The following SLC40A1 variants were observed in gnomAD, a reference collection of about 807,000 sequenced individuals.
SLC40A1 encodes the protein ferroportin.
A neutral mutation model predicts 53.5 loss-of-function variants in SLC40A1; 16 were observed. The ratio of observed to expected loss-of-function variants is 0.30; its 90% CI spans 0.20 to 0.45. The LOEUF (loss-of-function observed/expected upper bound fraction) is 0.45, where lower values mean the gene tolerates loss of function less well. SLC40A1 is among the 20% of genes least tolerant of loss of function. The probability of loss-of-function intolerance (pLI) is 1.00; values close to 1 mark genes in which losing one functional copy is unlikely to be tolerated. For synonymous variants in SLC40A1, 247 were observed against 253.2 expected (o/e 0.98, Z 0.23); for missense variants, 545 against 695.4 (o/e 0.78, Z 2.43).
In SLC40A1 at chr2:189,580,491, G is replaced by GGCTGCTATCGCTGCT. The variant is rs1559016468; in HGVS notation, c.-46_-32dup. ...TAGGCGACCCCGCTGGCTCTTCTGC[G>GGCTGCTATCGCTGCT]GCTGCTATCGCTGCTGCTGCTCTCG... On this transcript the variant is annotated 5_prime_UTR_variant, in exon 1 of 8. Coordinates refer to ENST00000261024, the MANE Select transcript of SLC40A1 (RefSeq NM_014585.6). The GGCTGCTATCGCTGCT allele has an allele frequency of 6.2e-7, 1 of 1,612,506 alleles. No homozygotes were observed. The highest frequency in any genetic ancestry group is 8.5e-7 in the Non-Finnish European group (1 of 1,180,018).
At chr2:189,562,990 T>C (rs1245493938) in intron 7 of SLC40A1, among the ~76,000 whole-genome samples, 2 of 152,038 alleles carry the variant, frequency 1.3e-5, no homozygotes, top group Admixed American at 6.6e-5. Flanking sequence ...AAGACTCTAC[T>C]AGATGGCAGT....
At chr2:189,562,466 A>G (rs191267802) in intron 7 of SLC40A1, among the ~76,000 whole-genome samples, 11 of 152,348 alleles carry the variant, frequency 7.2e-5, no homozygotes, top group Admixed American at 3.9e-4. Flanking sequence ...TATTCATACT[A>G]CAAAAACAAA....
chr2:189,580,526 T>C lies in SLC40A1; in HGVS notation c.-66A>G. On this transcript the variant is annotated 5_prime_UTR_variant, in exon 1 of 8. Transcript: ENST00000261024. ...GCTGCTGCTGCTCTCGCTGAGGTGCTTGTTAACAGGAGTGCAAGGAACTGG... is the reference window on the plus strand; with the variant it reads ...GCTGCTGCTGCTCTCGCTGAGGTGCCTGTTAACAGGAGTGCAAGGAACTGG... 1 of 1,609,948 alleles carries C rather than the reference T, an allele frequency of 6.2e-7. No individual in the cohort carries two copies. Among genetic ancestry groups the C allele is most frequent in the Non-Finnish European group, 8.5e-7 (1 of 1,179,956 alleles).
chr2:189,565,652 A>G, intron 5 of SLC40A1, 53 bp from the exon 6 acceptor site: 1 of 1,610,792 alleles, frequency 6.2e-7, no homozygotes. Flanking sequence ...TCAAAGAGAG[A>G]CTGCCCATTT....
At chr2:189,578,625 G>A (rs1447948896) in intron 2 of SLC40A1, among the ~76,000 whole-genome samples, 1 of 152,144 alleles carries the variant, frequency 6.6e-6, no homozygotes. Flanking sequence ...TAAACTGGGG[G>A]AACAAACTAT....
rs540288875 is a variant in SLC40A1, at chr2:189,563,494, A to T, written c.1402+90T>A. On this transcript the variant is annotated intron_variant, in intron 7 of 7. Transcript: ENST00000261024. ...ATTTTGCTTAAATTAACATTTAGGG[A>T]ACATTTCAGATCATTTATTAATGGA... is the stretch of plus-strand genomic sequence containing the variant. 8.7e-4 allele frequency: 1,054 copies of T among 1,213,064 alleles called. 21 individuals carry two copies. The South Asian group carries it at 0.015, about 17-fold the overall frequency. The allele number at this position is 1,213,064 out of a possible 1,614,324, so 75.1% of individuals were successfully genotyped here.
Position 189,578,927 on chromosome 2 carries a change from A to C in SLC40A1, c.111+886T>G, listed in dbSNP as rs2031376668. ...AAGGATGATCCAATATAAGTTTCCA[A>C]TTTAAAAGGAAAATAACATTCAAAA... On this transcript the variant is annotated intron_variant, in intron 2 of 7. Transcript: ENST00000261024. Among the ~76,000 whole-genome samples the C allele has an allele frequency of 2.0e-5, 3 of 152,214 alleles. No individual in the cohort carries two copies. The South Asian group carries it at 6.2e-4, about 32-fold the overall frequency.
rs2030707623 is a variant in SLC40A1 at position 189,560,611 on chromosome 2, T to TA, written c.*1266dup. The TA allele has an allele frequency of 6.6e-6, 1 of 152,662 alleles. No individual in the cohort carries two copies. Among genetic ancestry groups the TA allele is most frequent in the Non-Finnish European group, 1.5e-5 (1 of 68,046 alleles). 9.5% of individuals were successfully genotyped at this position (152,662 alleles called of 1,614,324 possible). A position where few individuals can be genotyped will look rare whatever the true frequency, so the allele number is the denominator to read the frequency against. ...AAAATTAAGATTTTCAAAATATTTT[T>TA]ATATAGAAATTTTTTACAAAGATTT... On this transcript the variant is annotated 3_prime_UTR_variant, in exon 8 of 8. Transcript: ENST00000261024.
At position 189,571,844 on chromosome 2, in the gene SLC40A1, A is replaced by G. The variant is rs745434420; in HGVS notation, c.388-3T>C. Reference sequence around the variant, plus strand: ...ATGATCAGGATATAGCAGGAAGTCTAAAGAATGACAAGAAAAAAATGAGTT... The same window carrying G: ...ATGATCAGGATATAGCAGGAAGTCTGAAGAATGACAAGAAAAAAATGAGTT... On this transcript the variant is annotated splice_polypyrimidine_tract_variant and splice_region_variant and intron_variant, in intron 4 of 7. Transcript: ENST00000261024. 1 of 1,592,528 alleles carries G rather than the reference A, an allele frequency of 6.3e-7. No homozygotes were observed. The highest frequency in any genetic ancestry group is 1.7e-5 in the Admixed American group (1 of 59,984).
Position 189,580,757 on chromosome 2 carries a change from G to C in SLC40A1, c.-297C>G, listed in dbSNP as rs1481440307. 3.0e-6 allele frequency: 4 copies of C among 1,322,598 alleles called. No individual in the cohort carries two copies. The highest frequency in any genetic ancestry group is 1.5e-5 in the African/African-American group (1 of 65,508). 81.9% of individuals were successfully genotyped at this position (1,322,598 alleles called of 1,614,324 possible). A position where few individuals can be genotyped will look rare whatever the true frequency, so the allele number is the denominator to read the frequency against. On this transcript the variant is annotated 5_prime_UTR_variant, in exon 1 of 8. Transcript: ENST00000261024. ...GTCGTCCGAGCCTAGCGGACGCCCT[G>C]AGCCAGCTCTCTCCGCCGCCGCCGC...
intron 6 of SLC40A1, among the ~76,000 whole-genome samples, chr2:189,564,439 T>C (rs2030861903): frequency 6.6e-6 from 1 of 151,990 alleles, no homozygotes; most frequent in African/African-American, 2.4e-5. Context: ...ATACTATTGA[T>C]CTATCCCTCT....
intron 5 of SLC40A1, among the ~76,000 whole-genome samples, chr2:189,571,195 T>C (rs1177713292): frequency 1.3e-5 from 2 of 152,304 alleles, no homozygotes; most frequent in Middle Eastern, 3.4e-3. Flanking sequence ...CTCTATTTCT[T>C]TGGTATTTGT....
intron 5 of SLC40A1, among the ~76,000 whole-genome samples, chr2:189,569,969 T>C (rs1006346368): frequency 6.7e-6 from 1 of 149,134 alleles, no homozygotes; most frequent in African/African-American, 2.4e-5. Flanking sequence ...TGTATATATA[T>C]GTATGTATAT....
intron 1 of SLC40A1, 41 bp downstream of exon 1, chr2:189,580,377 A>G: frequency 6.2e-7 from 1 of 1,607,670 alleles, no homozygotes; most frequent in African/African-American, 1.3e-5. Context: ...CCAAAGCCCC[A>G]CCTGGGTTTC....
At chr2:189,580,366 T>C in intron 1 of SLC40A1, 52 bp downstream of exon 1, 5 of 1,590,046 alleles carry the variant, frequency 3.1e-6, no homozygotes, top group Non-Finnish European at 3.4e-6. Flanking sequence ...GTTGCTTGTC[T>C]CCAAAGCCCC....
chr2:189,580,141 T>G (rs1346269432), intron 1 of SLC40A1, among the ~76,000 whole-genome samples: 1 of 133,560 alleles, frequency 7.5e-6, no homozygotes, highest in Non-Finnish European at 1.7e-5. Flanking sequence ...TGTTTCAGCA[T>G]TCTTTTTTGG....
rs919034954 is a variant in SLC40A1 at position 189,560,751 on chromosome 2, A to G, written c.*1127T>C. The stretch of plus-strand genomic sequence containing the variant: ...TTGCAGTCTCCATGAAAGTGCATAT[A>G]AACGGTTAAGGCAAAGTACCATCTT... On this transcript the variant is annotated 3_prime_UTR_variant, in exon 8 of 8. Coordinates refer to ENST00000261024, the MANE Select transcript of SLC40A1 (RefSeq NM_014585.6). 1 of 152,654 alleles carries G rather than the reference A, an allele frequency of 6.6e-6. No individual in the cohort carries two copies. Among genetic ancestry groups the G allele is most frequent in the Non-Finnish European group, 1.5e-5 (1 of 68,032 alleles). 9.5% of individuals were successfully genotyped at this position (152,654 alleles called of 1,614,324 possible). A position where few individuals can be genotyped will look rare whatever the true frequency, so the allele number is the denominator to read the frequency against.
chr2:189,561,728 C>T lies in SLC40A1; in HGVS notation c.*150G>A. 2.9e-6 allele frequency: 2 copies of T among 681,072 alleles called. No individual in the cohort carries two copies. Among genetic ancestry groups the T allele is most frequent in the Non-Finnish European group, 5.0e-6 (2 of 397,392 alleles). The allele number at this position is 681,072 out of a possible 1,614,324, so 42.2% of individuals were successfully genotyped here. ...AAATTAATCAGTTAATTTCTGCTGA[C>T]TTAGGTTTCCTAAACAGCTTTTAGT... On this transcript the variant is annotated 3_prime_UTR_variant, in exon 8 of 8. Transcript: ENST00000261024.
intron 1 of SLC40A1, 33 bp from the exon 2 acceptor site, chr2:189,579,913 A>G (rs1180529935): frequency 6.2e-7 from 1 of 1,603,598 alleles, no homozygotes; most frequent in Non-Finnish European, 8.5e-7. Context: ...ACAAAAAGCG[A>G]TGGTAGTCAC....
Sources: gnomAD v4.1 joint callset for allele counts (sites outside exome capture counted in the v4.1 genomes callset) on GRCh38, gnomAD v4.1.1 for gene constraint, MANE v1.5 for transcripts, NCBI Gene and HGNC (gene_info 2026-07-23, HGNC 2026-07-21) for gene names.